CTNNA3: variants seen among roughly 807,000 people sequenced by gnomAD.
CTNNA3 encodes catenin alpha-3.
CTNNA3 carries 76 observed loss-of-function variants against 95.7 expected under a neutral mutation model. The observed-to-expected ratio is 0.79, with a 90% CI of 0.66 to 0.96. The LOEUF is 0.96. Ranked by LOEUF, CTNNA3 falls within the 40% of genes least tolerant of loss-of-function variation. The pLI is 0.00. For synonymous variants in CTNNA3, 431 were observed against 374.4 expected (o/e 1.15, Z -1.74); for missense variants, 1,191 against 1,089.8 (o/e 1.09, Z -1.31).
intron 7 of CTNNA3, among the ~76,000 whole-genome samples, chr10:67,133,436 G>A (rs1258023928): frequency 6.7e-6 from 1 of 149,746 alleles, no homozygotes; most frequent in Non-Finnish European, 1.5e-5. Flanking sequence ...CAATAGTAGA[G>A]AAACACAGAA....
chr10:66,729,686 C>G (rs139083217), intron 9 of CTNNA3, among the ~76,000 whole-genome samples: 82 of 152,278 alleles, frequency 5.4e-4, no homozygotes, highest in African/African-American at 1.8e-3. Context: ...AAATTGGATA[C>G]AGTGTATATT....
intron 7 of CTNNA3, among the ~76,000 whole-genome samples, chr10:66,907,439 A>C (rs1284768234): frequency 6.6e-6 from 1 of 152,180 alleles, no homozygotes; most frequent in Non-Finnish European, 1.5e-5. Context: ...CTACAAATAA[A>C]TACTTCTTTT....
At chr10:67,077,144 C>T (rs1174376532) in intron 7 of CTNNA3, among the ~76,000 whole-genome samples, 1 of 152,188 alleles carries the variant, frequency 6.6e-6, no homozygotes, top group African/African-American at 2.4e-5. Flanking sequence ...ATCTCTGTGG[C>T]CACTCCCTGC....
intron 10 of CTNNA3, among the ~76,000 whole-genome samples, chr10:66,527,958 T>C (rs938482238): frequency 9.2e-5 from 14 of 152,182 alleles, no homozygotes; most frequent in Admixed American, 8.5e-4. Flanking sequence ...AAAGTTGGAT[T>C]TTGTCAGGCA....
intron 7 of CTNNA3, among the ~76,000 whole-genome samples, chr10:67,058,510 G>A (rs1855571151): frequency 6.6e-6 from 1 of 152,056 alleles, no homozygotes; most frequent in Non-Finnish European, 1.5e-5. Context: ...AATATCTTTG[G>A]CCCTTTCTCC....
At chr10:65,925,392 A>C (rs555024677) in intron 17 of CTNNA3, among the ~76,000 whole-genome samples, 2 of 152,084 alleles carry the variant, frequency 1.3e-5, no homozygotes, top group Non-Finnish European at 2.9e-5. Context: ...CTTCCTCTCT[A>C]CCTTCTTGCA....
intron 5 of CTNNA3, among the ~76,000 whole-genome samples, chr10:67,299,925 A>G (rs1840199159): frequency 6.6e-6 from 1 of 152,224 alleles, no homozygotes; most frequent in Non-Finnish European, 1.5e-5. Context: ...AAGACAGTAC[A>G]TTGGAAGGCT....
chr10:66,354,249 C>T (rs1329377421), intron 12 of CTNNA3, among the ~76,000 whole-genome samples: 1 of 151,484 alleles, frequency 6.6e-6, no homozygotes, highest in East Asian at 1.9e-4. Flanking sequence ...GGCACCATTG[C>T]CCTCCAGCCT....
At chr10:66,961,199 TTA>T (rs991492030) in intron 7 of CTNNA3, among the ~76,000 whole-genome samples, 5 of 152,192 alleles carry the variant, frequency 3.3e-5, no homozygotes, top group African/African-American at 1.2e-4. Context: ...CTGTAGTCTA[TTA>T]TGACAATATT....
intron 7 of CTNNA3, among the ~76,000 whole-genome samples, chr10:66,819,092 T>TAAAAAAAAAAAAAAA (rs35494489): frequency 9.0e-6 from 1 of 110,726 alleles, no homozygotes; most frequent in African/African-American, 3.7e-5. Flanking sequence ...ACTCTTGTCT[T>TAAAAAAAAAAAAAAA]AAAAAAAAAA....
At chr10:66,799,851 T>A (rs1181096150) in intron 7 of CTNNA3, among the ~76,000 whole-genome samples, 1 of 150,714 alleles carries the variant, frequency 6.6e-6, no homozygotes, top group African/African-American at 2.4e-5. Context: ...AAAGATAAAA[T>A]CTTAAAAGCA....
intron 13 of CTNNA3, among the ~76,000 whole-genome samples, chr10:66,140,036 A>G (rs1210707518): frequency 1.1e-4 from 16 of 152,226 alleles, no homozygotes; most frequent in Non-Finnish European, 1.2e-4. Flanking sequence ...GGCATGTTGC[A>G]TAGCAATCAT....
In CTNNA3 at chr10:65,920,075, C is replaced by T. The variant is rs185258162; in HGVS notation, c.*255G>A. The T allele has an allele frequency of 7.1e-5, 35 of 489,524 alleles. No individual in the cohort carries two copies. Among genetic ancestry groups the T allele is most frequent in the East Asian group, 5.8e-4 (16 of 27,508 alleles). 30.3% of individuals were successfully genotyped at this position (489,524 alleles called of 1,614,324 possible). A position where few individuals can be genotyped will look rare whatever the true frequency, so the allele number is the denominator to read the frequency against. ...AGTAGATAATCTCTATGATGGGAAA[C>T]GCTGAATGACACGTGATAATTTCAT... On this transcript the variant is annotated 3_prime_UTR_variant, in exon 18 of 18. Transcript: ENST00000433211.
chr10:66,652,097 T>TGAAAAAA (rs1845928922), intron 9 of CTNNA3, among the ~76,000 whole-genome samples: 1 of 122,390 alleles, frequency 8.2e-6, no homozygotes, highest in Non-Finnish European at 1.8e-5. Context: ...CTCAAGGAAC[T>TGAAAAAA]AAAAAAAAAA....
chr10:67,726,551 T>G (rs1198297389), intron 1 of CTNNA3, among the ~76,000 whole-genome samples: 4 of 71,148 alleles, frequency 5.6e-5, no homozygotes, highest in Admixed American at 2.6e-4. Flanking sequence ...TATTACATAT[T>G]ATATAATATA....
chr10:67,512,661 AG>A (rs1329712535), intron 5 of CTNNA3, among the ~76,000 whole-genome samples: 2 of 151,860 alleles, frequency 1.3e-5, no homozygotes, highest in Non-Finnish European at 2.9e-5. Flanking sequence ...CTTTGTCTAC[AG>A]TGTTGTAATA....
chr10:66,601,914 A>G (rs988708234), intron 10 of CTNNA3, among the ~76,000 whole-genome samples: 7 of 151,692 alleles, frequency 4.6e-5, no homozygotes, highest in Non-Finnish European at 7.4e-5. Context: ...CAGTGTAGAT[A>G]TGAAATTAGA....
In CTNNA3 at chr10:67,585,851, C is replaced by G. The variant is rs138020321; in HGVS notation, c.292+21006G>C. ...AATTCTACTCTGATTTTTGTTATTT[C>G]TTTTTTCCTGCTAATTTGGGGTTTT... On this transcript the variant is annotated intron_variant, in intron 3 of 17. Coordinates refer to ENST00000433211, the MANE Select transcript of CTNNA3 (RefSeq NM_013266.4). Among the ~76,000 whole-genome samples the G allele has an allele frequency of 5.8e-3, 884 of 151,610 alleles. 17 individuals carry two copies. The highest frequency in any genetic ancestry group is 0.02 in the African/African-American group (841 of 41,366).
Position 67,017,750 on chromosome 10 carries a change from TGTGC to T in CTNNA3, c.1047+162563_1047+162566del, listed in dbSNP as rs753061292. The stretch of plus-strand genomic sequence containing the variant: ...CTGTGTGTGTGTGTGTGTGTGTGTG[TGTGC>T]GCGCGTACAATTTTATGTGTACAAT... On this transcript the variant is annotated intron_variant, in intron 7 of 17. Coordinates refer to ENST00000433211, the MANE Select transcript of CTNNA3 (RefSeq NM_013266.4). 2.6e-3 allele frequency among the ~76,000 whole-genome samples: 382 copies of T among 147,114 alleles called. 2 individuals carry two copies. Among genetic ancestry groups the T allele is most frequent in the Non-Finnish European group, 4.3e-3 (284 of 66,062 alleles).
Sources: gnomAD v4.1 joint callset for allele counts (sites outside exome capture counted in the v4.1 genomes callset) on GRCh38, gnomAD v4.1.1 for gene constraint, MANE v1.5 for transcripts, NCBI Gene and HGNC (gene_info 2026-07-23, HGNC 2026-07-21) for gene names.